KIAA1671: variants seen among roughly 807,000 people sequenced by gnomAD.
KIAA1671 encodes uncharacterized protein KIAA1671.
Under a neutral mutation model 131.2 loss-of-function variants are expected in KIAA1671, and 52 were observed. That is an observed-to-expected ratio of 0.40 (90% CI 0.32 to 0.50). The LOEUF (loss-of-function observed/expected upper bound fraction) is 0.50. KIAA1671 is among the 20% of genes least tolerant of loss of function. The pLI, the probability that KIAA1671 is intolerant of heterozygous loss-of-function variation, is 0.73. For missense variants in KIAA1671, 2,360 were observed against 2,364.2 expected (o/e 1.00, Z 0.04); for synonymous variants, 1,003 against 961.6 (o/e 1.04, Z -0.80).
chr22:25,030,717 C>A (rs1926240309), intron 3 of KIAA1671, among the ~76,000 whole-genome samples: 1 of 152,216 alleles, frequency 6.6e-6, no homozygotes, highest in African/African-American at 2.4e-5. Flanking sequence ...AAACTTGGCC[C>A]ACTTCCGACA....
At chr22:25,155,035 C>A (rs190729144) in intron 6 of KIAA1671, among the ~76,000 whole-genome samples, 2 of 152,214 alleles carry the variant, frequency 1.3e-5, no homozygotes, top group South Asian at 4.1e-4. Flanking sequence ...CCCTCTCCCC[C>A]ACTCTGTCTG....
intron 6 of KIAA1671, among the ~76,000 whole-genome samples, chr22:25,113,721 A>G (rs1390592221): frequency 6.6e-6 from 1 of 152,220 alleles, no homozygotes; most frequent in Non-Finnish European, 1.5e-5. Context: ...CGTCTCCTTC[A>G]CAGTGGGTCT....
intron 1 of KIAA1671, among the ~76,000 whole-genome samples, chr22:24,988,491 A>G (rs2123841963): frequency 6.6e-6 from 1 of 152,006 alleles, no homozygotes; most frequent in Admixed American, 6.6e-5. Context: ...CTGTAATCCT[A>G]ACACTTTGGG....
chr22:25,145,967 C>A (rs1021120652), intron 6 of KIAA1671, among the ~76,000 whole-genome samples: 4 of 150,784 alleles, frequency 2.7e-5, no homozygotes, highest in Non-Finnish European at 4.4e-5. Context: ...AAAACAACAA[C>A]AAGCTGGATT....
chr22:25,169,729 G>A (rs1441124265), intron 6 of KIAA1671, among the ~76,000 whole-genome samples: 1 of 152,212 alleles, frequency 6.6e-6, no homozygotes, highest in African/African-American at 2.4e-5. Flanking sequence ...CCTGTGGTCA[G>A]TTCTGTGCTA....
chr22:25,168,313 C>T (rs1417746722), intron 6 of KIAA1671, among the ~76,000 whole-genome samples: 1 of 152,214 alleles, frequency 6.6e-6, no homozygotes, highest in Admixed American at 6.5e-5. Flanking sequence ...GCCCAGTTCC[C>T]CGGTGCCTAG....
At chr22:24,978,644 T>A (rs372182775) in intron 1 of KIAA1671, among the ~76,000 whole-genome samples, 6 of 152,112 alleles carry the variant, frequency 3.9e-5, no homozygotes, top group African/African-American at 1.4e-4. Flanking sequence ...TTTTAAAAAT[T>A]GTGAAATATG....
intron 1 of KIAA1671, among the ~76,000 whole-genome samples, chr22:25,006,065 T>C (rs1924733872): frequency 6.6e-6 from 1 of 152,174 alleles, no homozygotes. Context: ...GCAGTCTCAC[T>C]CTGTTGCCCA....
intron 6 of KIAA1671, among the ~76,000 whole-genome samples, chr22:25,114,691 G>C (rs1931564724): frequency 6.6e-6 from 1 of 152,190 alleles, no homozygotes; most frequent in Non-Finnish European, 1.5e-5. Flanking sequence ...ATTAGTTCTT[G>C]TGGCAACCAA....
At chr22:24,958,113 G>A (rs1018303820) in intron 1 of KIAA1671, among the ~76,000 whole-genome samples, 1 of 151,944 alleles carries the variant, frequency 6.6e-6, no homozygotes, top group African/African-American at 2.4e-5. Flanking sequence ...GGAAGAGCTG[G>A]GATTTGAACC....
chr22:24,962,769 A>G (rs745516), intron 1 of KIAA1671, among the ~76,000 whole-genome samples: 1,851 of 152,238 alleles, frequency 0.012, 35 homozygotes, highest in African/African-American at 0.042. Context: ...GGGGAAAAGA[A>G]TGATGAGAAG....
chr22:25,047,147 T>C (rs1471912256), intron 5 of KIAA1671, among the ~76,000 whole-genome samples: 1 of 100,054 alleles, frequency 1.0e-5, no homozygotes, highest in Non-Finnish European at 1.8e-5. Context: ...ATTTTTTTTC[T>C]TTTCTTTTTT....
At chr22:25,013,171 A>T (rs1315556067) in intron 1 of KIAA1671, 1 of 152,242 alleles carries the variant, frequency 6.6e-6, no homozygotes, top group African/African-American at 2.4e-5. Flanking sequence ...GGCCCAGGAA[A>T]TCAGCATAGG....
chr22:25,039,345 G>A lies in KIAA1671; in HGVS notation c.2215G>A (p.Val739Met), dbSNP rs1173130884. The A allele has an allele frequency of 9.7e-6, 15 of 1,551,842 alleles. No individual in the cohort carries two copies. Among genetic ancestry groups the A allele is most frequent in the East Asian group, 2.4e-5 (1 of 40,932 alleles). ...IEPRYDIVHA[V>M]GERVHSEAIS... ...GCCCAGATATGACATTGTGCATGCA[G>A]TGGGAGAGCGTGTGCACAGCGAGGC... is the stretch of plus-strand genomic sequence containing the variant. The change falls in exon 5 of 13, where the codon GTG becomes ATG. Residue 739 changes from valine to methionine, a missense_variant. Val to Met is a conservative substitution (Grantham distance 21, BLOSUM62 1). Around this residue, in one of 3 missense-constraint regions of KIAA1671, gnomAD observed 1,185 missense variants for 1,126.2 expected, o/e 1.05. Transcript: ENST00000358431.
chr22:25,007,311 C>T (rs1924798424), intron 1 of KIAA1671, among the ~76,000 whole-genome samples: 1 of 151,952 alleles, frequency 6.6e-6, no homozygotes, highest in East Asian at 1.9e-4. Flanking sequence ...CATGGTGAAA[C>T]CCCCTCTCTA....
At chr22:24,995,463 C>T (rs1040255828) in intron 1 of KIAA1671, among the ~76,000 whole-genome samples, 2 of 151,858 alleles carry the variant, frequency 1.3e-5, no homozygotes, top group Admixed American at 6.6e-5. Context: ...CTCAAGCGAT[C>T]CTCCTACCTC....
At chr22:25,041,739 T>G (rs1246325812) in intron 5 of KIAA1671, among the ~76,000 whole-genome samples, 3 of 111,424 alleles carry the variant, frequency 2.7e-5, no homozygotes, top group African/African-American at 7.0e-5. Flanking sequence ...ACCTGGTTCT[T>G]TGTTTGTTTA....
chr22:25,171,836 G>A (rs536388199), intron 7 of KIAA1671, among the ~76,000 whole-genome samples: 1 of 152,150 alleles, frequency 6.6e-6, no homozygotes, highest in African/African-American at 2.4e-5. Flanking sequence ...TGGCTGCTTC[G>A]TGGGTATCTG....
intron 6 of KIAA1671, among the ~76,000 whole-genome samples, chr22:25,143,629 G>T (rs1001042126): frequency 6.6e-6 from 1 of 152,072 alleles, no homozygotes; most frequent in Non-Finnish European, 1.5e-5. Flanking sequence ...TGAGCCCAGT[G>T]GCCAGCCAGA....
Sources: gnomAD v4.1 joint callset for allele counts (sites outside exome capture counted in the v4.1 genomes callset) on GRCh38, gnomAD v4.1.1 for gene constraint, gnomAD v4.1.1 regional missense constraint, MANE v1.5 for transcripts, NCBI Gene and HGNC (gene_info 2026-07-23, HGNC 2026-07-21) for gene names.